NRXN1: variants seen among roughly 807,000 people sequenced by gnomAD.
NRXN1 encodes neurexin-1.
Under a neutral mutation model 150.9 loss-of-function variants are expected in NRXN1, and 39 were observed. The ratio of observed to expected loss-of-function variants is 0.26; its 90% CI spans 0.20 to 0.34. The LOEUF is 0.34. Ranked by LOEUF, NRXN1 falls within the 10% of genes least tolerant of loss-of-function variation. The probability of loss-of-function intolerance (pLI) is 1.00; values close to 1 mark genes in which losing one functional copy is unlikely to be tolerated. For synonymous variants in NRXN1, 924 were observed against 757.0 expected, an observed-to-expected ratio of 1.22 and a Z score of -3.62; for missense variants, 1,815 against 1,949.9, an observed-to-expected ratio of 0.93 and a Z score of 1.30.
intron 8 of NRXN1, among the ~76,000 whole-genome samples, chr2:50,558,391 ACAAT>A (rs1380012472): frequency 1.3e-5 from 2 of 152,216 alleles, no homozygotes; most frequent in East Asian, 3.9e-4. Context: ...AAGTAGATTC[ACAAT>A]CAAACAGCTG....
At chr2:50,124,144 T>C (rs532339426) in intron 18 of NRXN1, among the ~76,000 whole-genome samples, 10 of 152,194 alleles carry the variant, frequency 6.6e-5, no homozygotes, top group African/African-American at 2.4e-4. Context: ...TGTATAGCTC[T>C]AGAAGTCAAG....
chr2:50,598,698 A>G (rs998904673), intron 8 of NRXN1, among the ~76,000 whole-genome samples: 1 of 145,324 alleles, frequency 6.9e-6, no homozygotes, highest in African/African-American at 2.5e-5. Flanking sequence ...ACATATCTAT[A>G]TATATATACA....
intron 19 of NRXN1, among the ~76,000 whole-genome samples, chr2:50,069,847 G>GTTTT (rs1244777512): frequency 1.3e-4 from 8 of 63,842 alleles, no homozygotes; most frequent in African/African-American, 3.0e-4. Context: ...GATTTTGGGG[G>GTTTT]TTTTTTTTTT....
chr2:50,656,061 T>C (rs1573988741), intron 5 of NRXN1, among the ~76,000 whole-genome samples: 1 of 152,106 alleles, frequency 6.6e-6, no homozygotes, highest in African/African-American at 2.4e-5. Context: ...AAATCTGGAA[T>C]CTAAGCACTT....
intron 5 of NRXN1, among the ~76,000 whole-genome samples, chr2:50,777,140 T>C (rs1703751748): frequency 6.6e-6 from 1 of 152,148 alleles, no homozygotes; most frequent in Non-Finnish European, 1.5e-5. Flanking sequence ...ATATTTGCTT[T>C]TTTAAGTACA....
intron 2 of NRXN1, among the ~76,000 whole-genome samples, chr2:51,025,329 T>A (rs1224635511): frequency 6.6e-6 from 1 of 152,178 alleles, no homozygotes; most frequent in Non-Finnish European, 1.5e-5. Flanking sequence ...CTTTATCTTA[T>A]AGAAAGAGCT....
intron 5 of NRXN1, among the ~76,000 whole-genome samples, chr2:50,880,550 T>A (rs1335434373): frequency 6.6e-6 from 1 of 151,980 alleles, no homozygotes; most frequent in Non-Finnish European, 1.5e-5. Flanking sequence ...TAATCAGTCA[T>A]TTTTAAAAGA....
intron 17 of NRXN1, among the ~76,000 whole-genome samples, chr2:50,360,094 G>T (rs1001981377): frequency 6.6e-6 from 1 of 152,138 alleles, no homozygotes; most frequent in Non-Finnish European, 1.5e-5. Flanking sequence ...CCTTACAAGA[G>T]CTCCTGAAGG....
At chr2:50,008,533 G>C (rs529020149) in intron 21 of NRXN1, among the ~76,000 whole-genome samples, 3 of 145,486 alleles carry the variant, frequency 2.1e-5, no homozygotes, top group African/African-American at 7.6e-5. Flanking sequence ...GCATGATCTC[G>C]GCTCACTGTG....
chr2:50,222,395 G>A (rs926915204), intron 18 of NRXN1, among the ~76,000 whole-genome samples: 2 of 151,906 alleles, frequency 1.3e-5, no homozygotes, highest in Non-Finnish European at 2.9e-5. Flanking sequence ...AAGAAATAAT[G>A]AGACCAATTT....
intron 5 of NRXN1, among the ~76,000 whole-genome samples, chr2:50,840,439 C>A (rs748485093): frequency 1.3e-5 from 2 of 152,056 alleles, no homozygotes; most frequent in African/African-American, 2.4e-5. Flanking sequence ...TTCATTTCAC[C>A]GCTGAGACGA....
At chr2:50,121,878 T>C (rs1703905809) in intron 18 of NRXN1, among the ~76,000 whole-genome samples, 1 of 152,196 alleles carries the variant, frequency 6.6e-6, no homozygotes, top group Non-Finnish European at 1.5e-5. Context: ...TCAATAAAGC[T>C]ATGGGTTATT....
At chr2:50,968,873 C>A (rs1021232828) in intron 2 of NRXN1, among the ~76,000 whole-genome samples, 2 of 151,960 alleles carry the variant, frequency 1.3e-5, no homozygotes, top group Non-Finnish European at 2.9e-5. Context: ...CGTTCCATGT[C>A]GACTCATATC....
In NRXN1 at chr2:49,935,236, G is replaced by A. The variant is rs561160948; in HGVS notation, c.4216+8468C>T. 9.8e-5 allele frequency among the ~76,000 whole-genome samples: 15 copies of A among 152,318 alleles called. 1 individual carries two copies. In the South Asian group the frequency reaches 3.1e-3, roughly 32 times the overall value. ...AGATGTAAAAAGCTGAGTACACAGAGATTCAATGACTTGCCTCTAATTACA... is the reference window on the plus strand; with the variant it reads ...AGATGTAAAAAGCTGAGTACACAGAAATTCAATGACTTGCCTCTAATTACA... On this transcript the variant is annotated intron_variant, in intron 22 of 22. Transcript: ENST00000401669.
At chr2:50,603,377 G>A (rs937056718) in intron 8 of NRXN1, among the ~76,000 whole-genome samples, 2 of 152,142 alleles carry the variant, frequency 1.3e-5, no homozygotes, top group Non-Finnish European at 2.9e-5. Context: ...GGCAGAGGCA[G>A]ACTTTTACAT....
intron 18 of NRXN1, among the ~76,000 whole-genome samples, chr2:50,192,737 G>A (rs1160081746): frequency 6.6e-6 from 1 of 152,112 alleles, no homozygotes; most frequent in African/African-American, 2.4e-5. Context: ...CTCCTGAGTA[G>A]CTGGGATTAC....
At chr2:49,962,873 A>G (rs1478042080) in intron 21 of NRXN1, among the ~76,000 whole-genome samples, 1 of 152,094 alleles carries the variant, frequency 6.6e-6, no homozygotes, top group African/African-American at 2.4e-5. Flanking sequence ...GGAGCCCTTG[A>G]GCCCAGGATA....
chr2:50,831,267 T>C (rs935835037), intron 5 of NRXN1, among the ~76,000 whole-genome samples: 1 of 152,194 alleles, frequency 6.6e-6, no homozygotes, highest in African/African-American at 2.4e-5. Context: ...CAATAATAGA[T>C]TGTTGAGCCA....
intron 17 of NRXN1, among the ~76,000 whole-genome samples, chr2:50,247,334 T>C (rs2066596750): frequency 6.6e-6 from 1 of 152,140 alleles, no homozygotes; most frequent in Non-Finnish European, 1.5e-5. Flanking sequence ...CCAAAAATTC[T>C]GCATATTTTA....
Sources: gnomAD v4.1 joint callset for allele counts (sites outside exome capture counted in the v4.1 genomes callset) on GRCh38, gnomAD v4.1.1 for gene constraint, MANE v1.5 for transcripts, NCBI Gene and HGNC (gene_info 2026-07-23, HGNC 2026-07-21) for gene names.